The following PCDH11X variants were observed in gnomAD, a reference collection of about 807,000 sequenced individuals.
The protein encoded by PCDH11X is protocadherin-11 X-linked.
In PCDH11X, 18 loss-of-function variants were observed where a neutral mutation model predicts 53.3. The ratio of observed to expected loss-of-function variants is 0.34; its 90% confidence interval spans 0.23 to 0.50. PCDH11X has a LOEUF of 0.50. PCDH11X is among the 20% of genes least tolerant of loss of function. The pLI, the probability that PCDH11X is intolerant of heterozygous loss-of-function variation, is 0.98. For synonymous variants in PCDH11X, 279 were observed against 393.3 expected (o/e 0.71, Z 3.44); for missense variants, 570 against 1,032.4 (o/e 0.55, Z 6.14).
intron 7 of PCDH11X, among the ~76,000 whole-genome samples, chrX:92,255,458 G>A (rs1220400509): frequency 3.4e-4 from 37 of 108,319 alleles, no homozygotes; most frequent in African/African-American, 7.1e-4. Flanking sequence ...GTCATTCTCC[G>A]TCCAGCTTTG....
chrX:92,148,230 C>A (rs1371792939), intron 6 of PCDH11X, among the ~76,000 whole-genome samples: 1 of 76,875 alleles, frequency 1.3e-5, no homozygotes, highest in African/African-American at 5.0e-5. Context: ...GTCTCTTTCC[C>A]TTCCTTTTTT....
At chrX:92,400,119 A>G (rs1477014602) in intron 9 of PCDH11X, among the ~76,000 whole-genome samples, 1 of 106,827 alleles carries the variant, frequency 9.4e-6, no homozygotes, top group Non-Finnish European at 1.9e-5. Context: ...ATCTAGGTGA[A>G]TATAAATGCC....
intron 10 of PCDH11X, among the ~76,000 whole-genome samples, chrX:92,594,361 G>A (rs1320515617): frequency 1.8e-5 from 2 of 110,984 alleles, no homozygotes; most frequent in Admixed American, 9.6e-5. Context: ...GGCTTATTTG[G>A]TATATCAAAA....
chrX:92,479,190 T>A (rs1226913752), intron 10 of PCDH11X, among the ~76,000 whole-genome samples: 1 of 110,001 alleles, frequency 9.1e-6, no homozygotes, highest in African/African-American at 3.3e-5. Flanking sequence ...AATCCCTGCT[T>A]TTTTGTTTTC....
At chrX:92,433,495 G>T in intron 9 of PCDH11X, among the ~76,000 whole-genome samples, 2 of 110,156 alleles carry the variant, frequency 1.8e-5, no homozygotes. Context: ...AGCTGGAAGA[G>T]GTCCCATATG....
At chrX:92,114,639 T>A (rs1399129247) in intron 6 of PCDH11X, among the ~76,000 whole-genome samples, 1 of 111,486 alleles carries the variant, frequency 9.0e-6, no homozygotes, top group Non-Finnish European at 1.9e-5. Context: ...CCAATTGTAG[T>A]TTCTGCTGCT....
intron 6 of PCDH11X, among the ~76,000 whole-genome samples, chrX:92,131,599 C>T (rs367702906): frequency 9.0e-6 from 1 of 111,605 alleles, no homozygotes; most frequent in Non-Finnish European, 1.9e-5. Flanking sequence ...AGCTTATATA[C>T]CTTCTAAGCT....
At chrX:92,067,735 G>A (rs1228207880) in intron 6 of PCDH11X, among the ~76,000 whole-genome samples, 2 of 111,273 alleles carry the variant, frequency 1.8e-5, no homozygotes, top group South Asian at 7.5e-4. Flanking sequence ...GAGTAGAATT[G>A]GTACTAGCTC....
chrX:92,184,557 G>A (rs996890686), intron 6 of PCDH11X, among the ~76,000 whole-genome samples: 18 of 111,443 alleles, frequency 1.6e-4, no homozygotes, highest in Admixed American at 4.8e-4. Context: ...AAAGCTGGAG[G>A]TATTAGATGA....
intron 5 of PCDH11X, among the ~76,000 whole-genome samples, chrX:91,851,918 TTCA>T (rs776660692): frequency 2.3e-4 from 26 of 111,440 alleles, no homozygotes; most frequent in Non-Finnish European, 4.0e-4. Context: ...AGCTTTGCTT[TTCA>T]TGTTTTTCTA....
chrX:92,496,369 A>G (rs2073859882), intron 10 of PCDH11X, among the ~76,000 whole-genome samples: 3 of 105,194 alleles, frequency 2.9e-5, no homozygotes, highest in African/African-American at 1.1e-4. Context: ...ATAATTATGC[A>G]AGGAAAAATG....
intron 8 of PCDH11X, among the ~76,000 whole-genome samples, chrX:92,267,614 A>G (rs2067861911): frequency 8.9e-6 from 1 of 112,384 alleles, no homozygotes; most frequent in South Asian, 3.7e-4. Flanking sequence ...TGTTTTGTAC[A>G]ACAGTGCAGA....
chrX:92,527,388 A>G (rs2074474506), intron 10 of PCDH11X, among the ~76,000 whole-genome samples: 2 of 110,980 alleles, frequency 1.8e-5, no homozygotes, highest in Admixed American at 1.9e-4. Context: ...CCCCATGAAT[A>G]TATACACCTG....
intron 6 of PCDH11X, among the ~76,000 whole-genome samples, chrX:92,085,633 A>G (rs1005981229): frequency 9.0e-6 from 1 of 110,658 alleles, no homozygotes; most frequent in African/African-American, 3.3e-5. Flanking sequence ...AAAATGTCCA[A>G]AGAAATTCTA....
intron 6 of PCDH11X, among the ~76,000 whole-genome samples, chrX:91,973,742 G>T (rs1358335400): frequency 1.9e-5 from 2 of 104,174 alleles, no homozygotes; most frequent in African/African-American, 3.5e-5. Context: ...AGACTCCCAA[G>T]TAGCTGGGAT....
At chrX:91,841,066 G>A (rs1344701599) in intron 5 of PCDH11X, among the ~76,000 whole-genome samples, 2 of 110,289 alleles carry the variant, frequency 1.8e-5, no homozygotes, top group Non-Finnish European at 3.8e-5. Flanking sequence ...ACAATCAAAT[G>A]CTAACGACTA....
chrX:92,557,595 A>T (rs1342449520), intron 10 of PCDH11X, among the ~76,000 whole-genome samples: 2 of 110,661 alleles, frequency 1.8e-5, no homozygotes, highest in Non-Finnish European at 3.8e-5. Context: ...AGTCTCTGGG[A>T]AGTTCTAAAC....
chrX:91,834,395 G>A (rs1195819389), intron 4 of PCDH11X, among the ~76,000 whole-genome samples: 1 of 109,396 alleles, frequency 9.1e-6, no homozygotes, highest in Non-Finnish European at 1.9e-5. Context: ...GAAGTAGCAA[G>A]AGAGATTGAT....
intron 6 of PCDH11X, among the ~76,000 whole-genome samples, chrX:92,102,320 G>A (rs1436029825): frequency 9.0e-6 from 1 of 111,266 alleles, no homozygotes; most frequent in Admixed American, 9.6e-5. Flanking sequence ...TTAAAGCAGC[G>A]GCAGCCTCTG....
Sources: gnomAD v4.1 joint callset for allele counts (sites outside exome capture counted in the v4.1 genomes callset) on GRCh38, gnomAD v4.1.1 for gene constraint, MANE v1.5 for transcripts, NCBI Gene and HGNC (gene_info 2026-07-23, HGNC 2026-07-21) for gene names.